The following STRN variants were observed in gnomAD, a reference collection of about 807,000 sequenced individuals.
STRN encodes striatin, also known as protein phosphatase 2 regulatory subunit B'''alpha.
In STRN, 53 loss-of-function variants were observed where a neutral mutation model predicts 96.3. The observed-to-expected ratio is 0.55, with a 90% CI of 0.44 to 0.69. The LOEUF (loss-of-function observed/expected upper bound fraction) is 0.69. Among genes scored for constraint, STRN ranks in the 30% least tolerant of loss-of-function variants. STRN has a pLI of 0.00. For synonymous variants in STRN, 428 were observed against 355.9 expected (o/e 1.20, Z -2.28); for missense variants, 987 against 963.9 (o/e 1.02, Z -0.32).
chr2:36,927,532 G>GT (rs1039426273), intron 1 of STRN, among the ~76,000 whole-genome samples: 1 of 145,462 alleles, frequency 6.9e-6, no homozygotes, highest in Non-Finnish European at 1.5e-5. Context: ...AAAGGGGGGG[G>GT]GGGGTGGTAA....
intron 1 of STRN, among the ~76,000 whole-genome samples, chr2:36,930,591 T>A (rs977547810): frequency 3.9e-5 from 6 of 152,118 alleles, no homozygotes; most frequent in Admixed American, 6.6e-5. Context: ...TTCTAGTAAG[T>A]ACCCAGGTGA....
intron 1 of STRN, among the ~76,000 whole-genome samples, chr2:36,952,241 C>G (rs1391404632): frequency 6.6e-6 from 1 of 152,136 alleles, no homozygotes; most frequent in African/African-American, 2.4e-5. Context: ...TTCGGATTAA[C>G]TGATCAACCA....
chr2:36,867,899 C>T, intron 11 of STRN, 38 bp from the exon 12 acceptor site: 2 of 1,466,848 alleles, frequency 1.4e-6, no homozygotes, highest in Non-Finnish European at 1.9e-6. Flanking sequence ...TTCTAAGTGT[C>T]AGTAAACAGT....
intron 1 of STRN, among the ~76,000 whole-genome samples, chr2:36,945,843 G>C (rs1263387311): frequency 6.6e-6 from 1 of 152,104 alleles, no homozygotes; most frequent in Non-Finnish European, 1.5e-5. Context: ...ACATCTACTA[G>C]TTTTAACATC....
chr2:36,866,094 A>T (rs1376357852), intron 12 of STRN, among the ~76,000 whole-genome samples: 1 of 152,150 alleles, frequency 6.6e-6, no homozygotes, highest in Non-Finnish European at 1.5e-5. Context: ...TATTTGAGAC[A>T]GGGTATCGCT....
chr2:36,923,177 C>T (rs955469207), intron 2 of STRN, among the ~76,000 whole-genome samples: 1 of 149,526 alleles, frequency 6.7e-6, no homozygotes, highest in Non-Finnish European at 1.5e-5. Context: ...CGGCCAGGTA[C>T]ATTCGCTCAC....
chr2:36,943,341 C>A (rs992653430), intron 1 of STRN, among the ~76,000 whole-genome samples: 2 of 151,402 alleles, frequency 1.3e-5, no homozygotes, highest in Non-Finnish European at 2.9e-5. Flanking sequence ...GCAAAAACAT[C>A]TATTTTGGTT....
Position 36,893,897 on chromosome 2 carries a change from C to A in STRN, c.931+1G>T, listed in dbSNP as rs772609010. The A allele has an allele frequency of 6.2e-7, 1 of 1,604,928 alleles. No individual in the cohort carries two copies. Among genetic ancestry groups the A allele is most frequent in the South Asian group, 1.1e-5 (1 of 88,512 alleles). ...TGGTTGGATCCAGTATGCTTCCTTACCCCAGTCTGTTCCATCGCCTGCACT... is the reference window on the plus strand; with the variant it reads ...TGGTTGGATCCAGTATGCTTCCTTAACCCAGTCTGTTCCATCGCCTGCACT... On this transcript the variant is annotated splice_donor_variant, in intron 7 of 17. Coordinates refer to ENST00000263918, the MANE Select transcript of STRN (RefSeq NM_003162.4). LOFTEE classifies it high-confidence loss of function.
intron 12 of STRN, among the ~76,000 whole-genome samples, chr2:36,866,611 T>G (rs1668635329): frequency 6.6e-6 from 1 of 152,242 alleles, no homozygotes; most frequent in Non-Finnish European, 1.5e-5. Context: ...GCCTTGATGA[T>G]CTAATACATC....
chr2:36,932,451 G>A (rs892469444), intron 1 of STRN, among the ~76,000 whole-genome samples: 15 of 151,904 alleles, frequency 9.9e-5, no homozygotes, highest in Admixed American at 2.6e-4. Flanking sequence ...CACCGCACCC[G>A]GCCTAGTTTC....
intron 6 of STRN, among the ~76,000 whole-genome samples, chr2:36,897,690 G>A (rs1477045333): frequency 6.6e-6 from 1 of 151,800 alleles, no homozygotes; most frequent in African/African-American, 2.4e-5. Flanking sequence ...ATCCGTCTCG[G>A]CCTCCCAAAG....
rs1267896874 is a variant in STRN at position 36,849,741 on chromosome 2, G to C, written c.2146C>G (p.Pro716Ala). ...LEAVTSLAVD[P>A]NGLYLMSGSH... ...CCAGACATCAAGTAAAGGCCATTGG[G>C]ATCAACTGCTAAACTTGTAACAGCT... Residue 716 changes from proline to alanine, a missense_variant, in exon 17 of 18, where the codon CCC (proline) becomes GCC (alanine). By Grantham distance (27) the Pro-to-Ala change is conservative. Transcript: ENST00000263918. The C allele has an allele frequency of 6.2e-7, 1 of 1,613,982 alleles. No individual in the cohort carries two copies. Among genetic ancestry groups the C allele is most frequent in the Non-Finnish European group, 8.5e-7 (1 of 1,180,008 alleles).
chr2:36,878,767 T>C (rs1668988661), intron 9 of STRN, among the ~76,000 whole-genome samples: 1 of 152,170 alleles, frequency 6.6e-6, no homozygotes, highest in African/African-American at 2.4e-5. Flanking sequence ...TTATGTTTTT[T>C]TCTGAGACAG....
At chr2:36,929,401 T>G (rs1427351102) in intron 1 of STRN, among the ~76,000 whole-genome samples, 1 of 152,168 alleles carries the variant, frequency 6.6e-6, no homozygotes, top group African/African-American at 2.4e-5. Flanking sequence ...TTTTTTCTTT[T>G]GAGACGGAGT....
rs149931163 is a variant in STRN, at chr2:36,901,855, A to G, written c.659+729T>C. 7.9e-5 allele frequency among the ~76,000 whole-genome samples: 12 copies of G among 152,328 alleles called. No individual in the cohort carries two copies. In the East Asian group the frequency reaches 2.3e-3, roughly 29 times the overall value. ...ATTTATATTCCAAATAGCAGGAACTATCTTCTTGCTAGAAAATTTATAGAG... is the reference window on the plus strand; with the variant it reads ...ATTTATATTCCAAATAGCAGGAACTGTCTTCTTGCTAGAAAATTTATAGAG... On this transcript the variant is annotated intron_variant, in intron 5 of 17. Transcript: ENST00000263918.
chr2:36,939,674 T>C (rs544430752), intron 1 of STRN, among the ~76,000 whole-genome samples: 2 of 152,206 alleles, frequency 1.3e-5, no homozygotes, highest in East Asian at 3.9e-4. Context: ...TGAGCCACCA[T>C]ACCCAGCCAG....
intron 1 of STRN, among the ~76,000 whole-genome samples, chr2:36,954,904 G>C (rs1219779375): frequency 2.0e-5 from 3 of 152,122 alleles, no homozygotes; most frequent in Non-Finnish European, 4.4e-5. Context: ...CTCCCAAAGT[G>C]CTAGGATTAA....
rs1369914171 is a variant in STRN, at chr2:36,902,660, C to T, written c.583G>A (p.Asp195Asn). ...ALLGFSSDVT[D>N]REDDKNQDSV... is the part of the protein sequence containing the mutation. ...TCCTGATTTTTGTCATCTTCCCTGT[C>T]CGTGACATCACTTGAAAAGCCCAAC... is the stretch of plus-strand genomic sequence containing the variant. Residue 195 changes from aspartate to asparagine, a missense_variant, in exon 5 of 18, where the codon GAC (aspartate) becomes AAC (asparagine). Coordinates refer to ENST00000263918, the MANE Select transcript of STRN (RefSeq NM_003162.4). 6.2e-7 allele frequency: 1 copy of T among 1,612,432 alleles called. No homozygotes were observed. Among genetic ancestry groups the T allele is most frequent in the Admixed American group, 1.7e-5 (1 of 59,962 alleles).
chr2:36,918,081 G>A (rs1278938416), intron 2 of STRN, among the ~76,000 whole-genome samples: 2 of 152,070 alleles, frequency 1.3e-5, no homozygotes, highest in East Asian at 3.8e-4. Context: ...TAACTATATA[G>A]ATACTTAATT....
Sources: allele counts gnomAD v4.1 joint callset (sites outside exome capture counted in the v4.1 genomes callset), GRCh38; gene constraint gnomAD v4.1.1; transcripts MANE v1.5; gene names NCBI Gene and HGNC (gene_info 2026-07-23, HGNC 2026-07-21).